Variants in PLXNA4 observed in about 807,000 individuals in gnomAD.
The protein encoded by PLXNA4 is plexin A4, also known as plexin-A4.
In PLXNA4, 44 loss-of-function variants were observed where a neutral mutation model predicts 191.8. The ratio of observed to expected loss-of-function variants is 0.23; its 90% confidence interval spans 0.18 to 0.29. PLXNA4 has a LOEUF of 0.29. PLXNA4 is among the 10% of genes least tolerant of loss of function. The pLI, the probability that PLXNA4 is intolerant of heterozygous loss-of-function variation, is 1.00. For synonymous variants in PLXNA4, 1,082 were observed against 1,009.5 expected, an observed-to-expected ratio of 1.07 and a Z score of -1.36; for missense variants, 1,800 against 2,488.8, an observed-to-expected ratio of 0.72 and a Z score of 5.89.
At chr7:132,534,478 G>C (rs971241442) in intron 1 of PLXNA4, among the ~76,000 whole-genome samples, 2 of 152,164 alleles carry the variant, frequency 1.3e-5, no homozygotes, top group African/African-American at 2.4e-5. Flanking sequence ...CTGATGCAGA[G>C]ACCGAGAATC....
intron 4 of PLXNA4, among the ~76,000 whole-genome samples, chr7:132,273,123 C>T (rs776127074): frequency 1.3e-5 from 2 of 152,080 alleles, no homozygotes; most frequent in Non-Finnish European, 2.9e-5. Flanking sequence ...AATCATAAAA[C>T]GGTCATGAAG....
At chr7:132,496,116 C>T (rs896894333) in intron 2 of PLXNA4, among the ~76,000 whole-genome samples, 2 of 152,206 alleles carry the variant, frequency 1.3e-5, no homozygotes, top group African/African-American at 4.8e-5. Context: ...GAATGGACCA[C>T]CAACTGCCTT....
At position 132,123,374 on chromosome 7, in the gene PLXNA4, A is replaced by G. The variant is rs771572201; in HGVS notation, c.*7105T>C. 6.6e-6 allele frequency: 1 copy of G among 152,060 alleles called. No individual in the cohort carries two copies. The highest frequency in any genetic ancestry group is 2.4e-5 in the African/African-American group (1 of 41,432). 9.4% of individuals were successfully genotyped at this position (152,060 alleles called of 1,614,324 possible). On this transcript the variant is annotated 3_prime_UTR_variant, in exon 32 of 32. Coordinates refer to ENST00000321063, the MANE Select transcript of PLXNA4 (RefSeq NM_020911.2). ...ATTATTTTTTAATAAACTTTATTCTATATTACAAATAAGTTTTTTTTGTTC... is the reference window on the plus strand; with the variant it reads ...ATTATTTTTTAATAAACTTTATTCTGTATTACAAATAAGTTTTTTTTGTTC...
Position 132,508,099 on chromosome 7 carries a change from T to C in PLXNA4, c.595A>G (p.Ile199Val), listed in dbSNP as rs1798553779. 8 of 1,614,150 alleles carry C rather than the reference T, an allele frequency of 5.0e-6. No homozygotes were observed. The highest frequency in any genetic ancestry group is 6.8e-6 in the Non-Finnish European group (8 of 1,180,036). The change falls in exon 2 of 32, where the codon ATC becomes GTC. Residue 199 changes from isoleucine to valine, a missense_variant. Coordinates refer to ENST00000321063, the MANE Select transcript of PLXNA4 (RefSeq NM_020911.2). This position sits in a 1 kb window ranked among gnomAD's most constrained non-coding sequence, Gnocchi z 4.4. ...VDGKPEYFPT[I>V]SSRKLTKNSE... ...TTCTTGGTCAGTTTCCGGCTGGAGA[T>C]GGTGGGAAAATACTCGGGCTTCCCA...
intron 3 of PLXNA4, among the ~76,000 whole-genome samples, chr7:132,342,925 C>T (rs183307734): frequency 8.4e-6 from 1 of 119,166 alleles, no homozygotes; most frequent in African/African-American, 3.4e-5. Context: ...CCAGTCTGGG[C>T]AACAGAGTGA....
rs1365956503 is a variant in PLXNA4, at chr7:132,379,102, C to T, written c.1372-80880G>A. 4.6e-5 allele frequency among the ~76,000 whole-genome samples: 7 copies of T among 152,174 alleles called. No homozygotes were observed. The South Asian group carries it at 1.5e-3, about 32-fold the overall frequency. ...CTGACTTCAGATGATCCGTCCACCT[C>T]AGCCTCCCAAAGTGCTGGGATTACA... On this transcript the variant is annotated intron_variant, in intron 3 of 31. Transcript: ENST00000321063.
chr7:132,431,046 T>C (rs951401163), intron 3 of PLXNA4, among the ~76,000 whole-genome samples: 1 of 152,122 alleles, frequency 6.6e-6, no homozygotes, highest in Non-Finnish European at 1.5e-5. Context: ...TCCCTGTAAA[T>C]GATCAGTCCT....
At chr7:132,455,330 C>G (rs780633920) in intron 3 of PLXNA4, among the ~76,000 whole-genome samples, 7 of 152,022 alleles carry the variant, frequency 4.6e-5, no homozygotes, top group Non-Finnish European at 8.8e-5. Context: ...GCCTGGCTCT[C>G]AGGATGGTGC....
At chr7:132,512,628 C>T (rs1798766576) in intron 1 of PLXNA4, among the ~76,000 whole-genome samples, 1 of 152,168 alleles carries the variant, frequency 6.6e-6, no homozygotes, top group African/African-American at 2.4e-5. Context: ...TCCAGCTTGC[C>T]TCACCAAAGA....
In PLXNA4 at chr7:132,508,496, C is replaced by A; in HGVS notation, c.198G>T (p.Gly66=). The change falls in exon 2 of 32, where the codon GGG becomes GGT. Residue 66 remains glycine, a synonymous_variant. Coordinates refer to ENST00000321063, the MANE Select transcript of PLXNA4 (RefSeq NM_020911.2). The surrounding 1 kb of genome is among the most constrained non-coding windows in gnomAD (Gnocchi z 4.4). ...AGAGCTTGTAAATCCGATTGACGGCCCCCAAGTAAATGTGTCCTGTCCTCT... is the reference window on the plus strand; with the variant it reads ...AGAGCTTGTAAATCCGATTGACGGCACCCAAGTAAATGTGTCCTGTCCTCT... The part of the protein sequence containing the change: ...VDERTGHIYL[G]AVNRIYKLSS... 1 of 1,614,168 alleles carries A rather than the reference C, an allele frequency of 6.2e-7. No individual in the cohort carries two copies. Among genetic ancestry groups the A allele is most frequent in the Non-Finnish European group, 8.5e-7 (1 of 1,180,034 alleles).
intron 9 of PLXNA4, among the ~76,000 whole-genome samples, chr7:132,216,205 C>T (rs971998200): frequency 4.6e-5 from 7 of 152,188 alleles, no homozygotes; most frequent in Non-Finnish European, 7.3e-5. Flanking sequence ...AAAAGCCCCA[C>T]GCATTTGCTA....
chr7:132,372,485 G>A (rs1804486721), intron 3 of PLXNA4, among the ~76,000 whole-genome samples: 1 of 152,168 alleles, frequency 6.6e-6, no homozygotes, highest in South Asian at 2.1e-4. Context: ...GTAGATCTAT[G>A]CAGATCCTTC....
chr7:132,431,288 A>G (rs56296102), intron 3 of PLXNA4, among the ~76,000 whole-genome samples: 9,821 of 152,170 alleles, frequency 0.065, 1,012 homozygotes, highest in African/African-American at 0.22. Context: ...GTGGAAGGGT[A>G]GTTGACCACA....
Position 132,211,488 on chromosome 7 carries a change from T to C in PLXNA4, c.2098-345A>G, listed in dbSNP as rs544792502. Among the ~76,000 whole-genome samples the C allele has an allele frequency of 1.1e-3, 166 of 152,296 alleles. 2 individuals are homozygous for C. Among genetic ancestry groups the C allele is most frequent in the African/African-American group, 3.9e-3 (161 of 41,562 alleles). ...CTGCGGGCTAGGCCTCCCCTCCCAC[T>C]GGGGACTGATGATTTCTTTGCCTGC... On this transcript the variant is annotated intron_variant, in intron 9 of 31. Coordinates refer to ENST00000321063, the MANE Select transcript of PLXNA4 (RefSeq NM_020911.2).
chr7:132,238,321 A>C (rs1296692686), intron 5 of PLXNA4, among the ~76,000 whole-genome samples: 1 of 152,336 alleles, frequency 6.6e-6, no homozygotes, highest in Non-Finnish European at 1.5e-5. Context: ...TTCTCCTAGG[A>C]GCAATGGCTT....
chr7:132,187,344 G>C, intron 15 of PLXNA4, 127 bp downstream of exon 15: 3 of 1,445,000 alleles, frequency 2.1e-6, no homozygotes, highest in Non-Finnish European at 2.8e-6. Flanking sequence ...TGTGCAGCTG[G>C]CAAGAAGAAC....
chr7:132,482,751 G>A (rs996514814), intron 3 of PLXNA4, among the ~76,000 whole-genome samples: 5 of 148,456 alleles, frequency 3.4e-5, no homozygotes, highest in Non-Finnish European at 7.4e-5. Flanking sequence ...GGAGTGCAAT[G>A]GTGCGATCTC....
chr7:132,210,248 A>G (rs1242949627), intron 10 of PLXNA4, among the ~76,000 whole-genome samples: 3 of 152,196 alleles, frequency 2.0e-5, no homozygotes, highest in Non-Finnish European at 4.4e-5. Context: ...GAAAGGCAAC[A>G]TGGCAGGTGC....
At chr7:132,431,843 G>A (rs537612644) in intron 3 of PLXNA4, among the ~76,000 whole-genome samples, 18 of 152,296 alleles carry the variant, frequency 1.2e-4, no homozygotes, top group Non-Finnish European at 1.8e-4. Flanking sequence ...AGCACAGACC[G>A]TAGCCCAGTG....
Sources: allele counts gnomAD v4.1 joint callset (sites outside exome capture counted in the v4.1 genomes callset), GRCh38; gene constraint gnomAD v4.1.1; non-coding constraint Gnocchi (gnomAD v3.1); transcripts MANE v1.5; gene names NCBI Gene and HGNC (gene_info 2026-07-23, HGNC 2026-07-21).